Variants in MACROD2 observed in about 807,000 individuals in gnomAD.
MACROD2 encodes mono-ADP ribosylhydrolase 2.
A neutral mutation model predicts 70.4 loss-of-function variants in MACROD2; 36 were observed. The ratio of observed to expected loss-of-function variants is 0.51; its 90% CI spans 0.39 to 0.68. The LOEUF (loss-of-function observed/expected upper bound fraction) is 0.68. MACROD2 is among the 30% of genes least tolerant of loss of function. The pLI is 0.00. For missense variants in MACROD2, 496 were observed against 538.4 expected, an observed-to-expected ratio of 0.92 and a Z score of 0.78; for synonymous variants, 172 against 178.8, an observed-to-expected ratio of 0.96 and a Z score of 0.30.
intron 5 of MACROD2, among the ~76,000 whole-genome samples, chr20:14,726,023 ATAT>A (rs769393103): frequency 7.9e-5 from 12 of 152,180 alleles, no homozygotes; most frequent in Non-Finnish European, 1.0e-4. Flanking sequence ...CTTCATTGAA[ATAT>A]TATAGGAACA....
chr20:14,479,888 T>A lies in MACROD2; in HGVS notation c.272-13591T>A, dbSNP rs1415469147. Among the ~76,000 whole-genome samples the A allele has an allele frequency of 3.9e-5, 6 of 152,252 alleles. No homozygotes were observed. The South Asian group carries it at 6.2e-4, about 16-fold the overall frequency. On this transcript the variant is annotated intron_variant, in intron 3 of 17. Transcript: ENST00000684519. Reference sequence around the variant, plus strand: ...TATTTACTATAGTTATATCTTTTTTTAAATAAGATACAAGGTCTTGCTTTA... The same window carrying A: ...TATTTACTATAGTTATATCTTTTTTAAAATAAGATACAAGGTCTTGCTTTA...
At chr20:15,029,957 G>T (rs2075261596) in intron 5 of MACROD2, among the ~76,000 whole-genome samples, 1 of 151,828 alleles carries the variant, frequency 6.6e-6, no homozygotes, top group Non-Finnish European at 1.5e-5. Context: ...GGGTGTGATG[G>T]TGCCTGCCTG....
At chr20:14,273,921 T>C (rs1434064093) in intron 3 of MACROD2, among the ~76,000 whole-genome samples, 3 of 152,098 alleles carry the variant, frequency 2.0e-5, no homozygotes, top group Middle Eastern at 3.4e-3. Context: ...CCTCGACACA[T>C]ACACCCTCCC....
chr20:14,118,064 T>C (rs755453822), intron 3 of MACROD2, among the ~76,000 whole-genome samples: 2 of 152,198 alleles, frequency 1.3e-5, no homozygotes, highest in Non-Finnish European at 2.9e-5. Context: ...TCTACAAACA[T>C]GTGAGCTAAT....
intron 6 of MACROD2, among the ~76,000 whole-genome samples, chr20:15,321,093 A>T (rs1462900296): frequency 9.6e-6 from 1 of 104,452 alleles, no homozygotes; most frequent in South Asian, 3.2e-4. Flanking sequence ...TTGTTTCAAA[A>T]TGCATGCCAT....
chr20:15,103,153 A>G (rs1238145217), intron 5 of MACROD2, among the ~76,000 whole-genome samples: 1 of 152,128 alleles, frequency 6.6e-6, no homozygotes, highest in Non-Finnish European at 1.5e-5. Flanking sequence ...AAAAACAAAC[A>G]AAACAGAGGA....
At chr20:15,200,900 G>A (rs1256735562) in intron 5 of MACROD2, among the ~76,000 whole-genome samples, 2 of 152,144 alleles carry the variant, frequency 1.3e-5, no homozygotes, top group African/African-American at 2.4e-5. Context: ...CACACTTTGA[G>A]TAACAAGGGG....
chr20:14,633,632 C>T (rs1465483764), intron 4 of MACROD2, among the ~76,000 whole-genome samples: 2 of 152,152 alleles, frequency 1.3e-5, no homozygotes, highest in African/African-American at 4.8e-5. Flanking sequence ...GCTCCGAATT[C>T]TCCTTTTAGA....
chr20:14,931,202 C>A (rs1016048076), intron 5 of MACROD2, among the ~76,000 whole-genome samples: 2 of 151,960 alleles, frequency 1.3e-5, no homozygotes, highest in African/African-American at 4.8e-5. Context: ...ACAGGGATGG[C>A]TCGGTAAGAG....
chr20:14,010,933 G>A (rs1201384999), intron 2 of MACROD2, among the ~76,000 whole-genome samples: 1 of 152,122 alleles, frequency 6.6e-6, no homozygotes, highest in Non-Finnish European at 1.5e-5. Flanking sequence ...TGGTTTTCAT[G>A]GCTTTTTCTA....
chr20:14,128,751 G>C (rs937594925), intron 3 of MACROD2, among the ~76,000 whole-genome samples: 1 of 152,198 alleles, frequency 6.6e-6, no homozygotes, highest in Non-Finnish European at 1.5e-5. Context: ...GTTGAAGCCA[G>C]TGCTCATTCA....
At chr20:14,468,311 A>G (rs1044057566) in intron 3 of MACROD2, among the ~76,000 whole-genome samples, 1 of 151,840 alleles carries the variant, frequency 6.6e-6, no homozygotes, top group East Asian at 1.9e-4. Flanking sequence ...GGGTGCATAT[A>G]TATTTAGGAT....
At chr20:14,270,922 C>G (rs533991962) in intron 3 of MACROD2, among the ~76,000 whole-genome samples, 1 of 152,182 alleles carries the variant, frequency 6.6e-6, no homozygotes, top group South Asian at 2.1e-4. Context: ...ACTGCAAGGC[C>G]GCAGCGAGGC....
At chr20:15,559,869 C>T (rs1000973825) in intron 8 of MACROD2, among the ~76,000 whole-genome samples, 26 of 152,198 alleles carry the variant, frequency 1.7e-4, no homozygotes, top group African/African-American at 6.3e-4. Flanking sequence ...ACCTTGTGTT[C>T]AAGCTACATT....
At chr20:15,928,479 T>C (rs1031682974) in intron 10 of MACROD2, among the ~76,000 whole-genome samples, 1 of 152,212 alleles carries the variant, frequency 6.6e-6, no homozygotes, top group Non-Finnish European at 1.5e-5. Flanking sequence ...AGACAATAAA[T>C]AGTTACATTT....
chr20:16,012,340 T>G (rs1051228750), intron 15 of MACROD2, among the ~76,000 whole-genome samples: 4 of 152,256 alleles, frequency 2.6e-5, no homozygotes, highest in African/African-American at 4.8e-5. Context: ...GAGCTGCTTC[T>G]ACATTGGTGG....
intron 5 of MACROD2, among the ~76,000 whole-genome samples, chr20:15,076,855 A>G (rs2075662076): frequency 6.6e-6 from 1 of 152,206 alleles, no homozygotes; most frequent in African/African-American, 2.4e-5. Context: ...GAAGAAATCA[A>G]AGAGTAAATG....
intron 8 of MACROD2, among the ~76,000 whole-genome samples, chr20:15,567,603 T>A (rs574578923): frequency 1.3e-5 from 2 of 152,230 alleles, no homozygotes; most frequent in Non-Finnish European, 1.5e-5. Context: ...TATTGCAGGA[T>A]ACTCTGGCAA....
At chr20:15,842,712 G>GGATAGATAGATA (rs60376874) in intron 8 of MACROD2, among the ~76,000 whole-genome samples, 11,953 of 141,544 alleles carry the variant, frequency 0.084, 704 homozygotes, top group South Asian at 0.18. Flanking sequence ...GTGGGTGGAT[G>GGATAGATAGATA]GATAGATAGA....
Sources: gnomAD v4.1 joint callset for allele counts (sites outside exome capture counted in the v4.1 genomes callset) on GRCh38, gnomAD v4.1.1 for gene constraint, MANE v1.5 for transcripts, NCBI Gene and HGNC (gene_info 2026-07-23, HGNC 2026-07-21) for gene names.